The following EVC2 variants were observed in gnomAD, a reference collection of about 807,000 sequenced individuals.
EVC2 encodes limbin.
In EVC2, 148 loss-of-function variants were observed where a neutral mutation model predicts 149.3. The observed-to-expected ratio is 0.99, with a 90% CI of 0.87 to 1.14. The LOEUF (loss-of-function observed/expected upper bound fraction) is 1.14, where lower values mean the gene tolerates loss of function less well. Ranked by LOEUF, EVC2 falls within the 50% of genes most tolerant of loss-of-function variation. The pLI is 0.00. For synonymous variants in EVC2, 776 were observed against 649.9 expected (o/e 1.19, Z -2.95); for missense variants, 1,854 against 1,627.3 (o/e 1.14, Z -2.40).
At chr4:5,635,897 G>T (rs1338068239) in intron 10 of EVC2, among the ~76,000 whole-genome samples, 1 of 152,174 alleles carries the variant, frequency 6.6e-6, no homozygotes, top group Non-Finnish European at 1.5e-5. Flanking sequence ...AAGCTGGATT[G>T]CCAGTCACTT....
In EVC2 at chr4:5,596,346, G is replaced by A. The variant is rs1713419363; in HGVS notation, c.2830-11496C>T. ...AAAGCTCTCCTCAGCAAATATAAAAGATCAGACATTATAACAAACTGTCTC... is the reference window on the plus strand; with the variant it reads ...AAAGCTCTCCTCAGCAAATATAAAAAATCAGACATTATAACAAACTGTCTC... On this transcript the variant is annotated intron_variant, in intron 16 of 21. Transcript: ENST00000344408. Among the ~76,000 whole-genome samples, 3 of 152,158 alleles carry A rather than the reference G, an allele frequency of 2.0e-5. No homozygotes were observed. In the South Asian group the frequency reaches 6.2e-4, roughly 32 times the overall value.
intron 16 of EVC2, among the ~76,000 whole-genome samples, chr4:5,599,622 A>G (rs1160233109): frequency 6.6e-6 from 1 of 152,162 alleles, no homozygotes; most frequent in Non-Finnish European, 1.5e-5. Context: ...CCTAATGCGA[A>G]ATGACGAGTT....
intron 9 of EVC2, among the ~76,000 whole-genome samples, chr4:5,662,483 TATA>T (rs201106112): frequency 4.7e-4 from 49 of 105,176 alleles, no homozygotes; most frequent in African/African-American, 1.6e-3. Flanking sequence ...TAATATTAAA[TATA>T]ATATTAATAT....
chr4:5,698,455 T>C (rs1478905494), intron 1 of EVC2, among the ~76,000 whole-genome samples: 2 of 152,162 alleles, frequency 1.3e-5, no homozygotes, highest in Non-Finnish European at 2.9e-5. Context: ...TTCTGAAAAG[T>C]GACCTCAAAG....
intron 16 of EVC2, among the ~76,000 whole-genome samples, chr4:5,593,317 C>T (rs1162655239): frequency 6.6e-6 from 1 of 152,132 alleles, no homozygotes; most frequent in Non-Finnish European, 1.5e-5. Context: ...GCCCTTCTTT[C>T]AAGTGTGCGT....
In EVC2 at chr4:5,660,746, G is replaced by A. The variant is rs528421318; in HGVS notation, c.1145+2361C>T. Among the ~76,000 whole-genome samples, 5 of 152,208 alleles carry A rather than the reference G, an allele frequency of 3.3e-5. No individual in the cohort carries two copies. The South Asian group carries it at 6.2e-4, about 19-fold the overall frequency. On this transcript the variant is annotated intron_variant, in intron 9 of 21. Coordinates refer to ENST00000344408, the MANE Select transcript of EVC2 (RefSeq NM_147127.5). ...ACAGTATCAAAAGGCTCTAGGTTACGGGTTCCCCATTTGAGAGATGAGAAA... is the reference window on the plus strand; with the variant it reads ...ACAGTATCAAAAGGCTCTAGGTTACAGGTTCCCCATTTGAGAGATGAGAAA...
At chr4:5,579,755 C>G (rs1711594134) in intron 17 of EVC2, among the ~76,000 whole-genome samples, 1 of 152,134 alleles carries the variant, frequency 6.6e-6, no homozygotes, top group South Asian at 2.1e-4. Context: ...GGAGGACAAT[C>G]AATTGAACCC....
At chr4:5,700,777 C>T (rs1171820071) in intron 1 of EVC2, among the ~76,000 whole-genome samples, 1 of 152,212 alleles carries the variant, frequency 6.6e-6, no homozygotes, top group Non-Finnish European at 1.5e-5. Context: ...CAGCCTGCCC[C>T]TCCCTGTCAT....
chr4:5,654,677 C>T (rs577932947), intron 9 of EVC2, among the ~76,000 whole-genome samples: 2 of 152,034 alleles, frequency 1.3e-5, no homozygotes, highest in Non-Finnish European at 2.9e-5. Context: ...GGAACATAGG[C>T]TTGGCCTGGG....
At chr4:5,586,516 T>G (rs990966909) in intron 16 of EVC2, among the ~76,000 whole-genome samples, 1 of 152,180 alleles carries the variant, frequency 6.6e-6, no homozygotes, top group African/African-American at 2.4e-5. Flanking sequence ...ACATGCCTCC[T>G]TATACCCTCC....
chr4:5,582,699 G>A (rs971173738), intron 17 of EVC2, among the ~76,000 whole-genome samples: 2 of 152,146 alleles, frequency 1.3e-5, no homozygotes, highest in Admixed American at 6.5e-5. Context: ...ATTTGGGTGG[G>A]ACTACATCTC....
intron 10 of EVC2, among the ~76,000 whole-genome samples, chr4:5,635,678 T>C (rs1716847526): frequency 6.6e-6 from 1 of 152,178 alleles, no homozygotes; most frequent in Non-Finnish European, 1.5e-5. Context: ...TGTGAAAATG[T>C]TTTATAAAAA....
At chr4:5,700,178 G>T (rs189835542) in intron 1 of EVC2, among the ~76,000 whole-genome samples, 1 of 152,000 alleles carries the variant, frequency 6.6e-6, no homozygotes, top group African/African-American at 2.4e-5. Flanking sequence ...TAATAATAGG[G>T]GACACTATGT....
rs4353849 is a variant in EVC2 at position 5,636,925 on chromosome 4, G to T, written c.1470+3589C>A. ...TGGAAGGAAACTAGTTCTATTAAAT[G>T]CTGCAGCTCAGATACTATTTCTGGA... is the stretch of plus-strand genomic sequence containing the variant. On this transcript the variant is annotated intron_variant, in intron 10 of 21. Coordinates refer to ENST00000344408, the MANE Select transcript of EVC2 (RefSeq NM_147127.5). This position sits in a 1 kb window ranked among gnomAD's most constrained non-coding sequence, Gnocchi z 4.6. Among the ~76,000 whole-genome samples, 34,648 of 152,154 alleles carry T rather than the reference G, an allele frequency of 0.23. 10,000 individuals are homozygous for T. The highest frequency in any genetic ancestry group is 0.68 in the African/African-American group (28,176 of 41,466).
rs73794680 is a variant in EVC2 at position 5,625,295 on chromosome 4, T to C, written c.2046+454A>G. On this transcript the variant is annotated intron_variant, in intron 13 of 21. Transcript: ENST00000344408. The surrounding 1 kb of genome is among the most constrained non-coding windows in gnomAD (Gnocchi z 4.0). ...CCATGCGTGCCACTTACTAGATATT[T>C]GACCTTGACCATACACACACACACA... 6.8e-6 allele frequency among the ~76,000 whole-genome samples: 1 copy of C among 146,984 alleles called. No individual in the cohort carries two copies. The highest frequency in any genetic ancestry group is 2.6e-5 in the African/African-American group (1 of 39,202).
At chr4:5,629,144 CCA>C (rs1716346789) in intron 11 of EVC2, among the ~76,000 whole-genome samples, 1 of 152,158 alleles carries the variant, frequency 6.6e-6, no homozygotes, top group African/African-American at 2.4e-5. Flanking sequence ...GCTCCCACCA[CCA>C]CAGAGGAGAC....
chr4:5,692,169 C>G (rs189713453), intron 3 of EVC2, among the ~76,000 whole-genome samples: 5 of 152,254 alleles, frequency 3.3e-5, no homozygotes, highest in Non-Finnish European at 7.4e-5. Flanking sequence ...TATTCATAAT[C>G]GTATGTTTTG....
At chr4:5,697,808 C>A (rs1250405742) in intron 1 of EVC2, among the ~76,000 whole-genome samples, 161 bp from the exon 2 acceptor site, 1 of 151,166 alleles carries the variant, frequency 6.6e-6, no homozygotes, top group Non-Finnish European at 1.5e-5. Context: ...TGCAGTGGCG[C>A]GATCTCGACT....
chr4:5,535,158 C>T, the EVC2 span, among the ~76,000 whole-genome samples: 4 of 152,132 alleles, frequency 2.6e-5, no homozygotes, highest in Admixed American at 6.5e-5. This position sits in a 1 kb window ranked among gnomAD's most constrained non-coding sequence, Gnocchi z 4.7. Context: ...CAGTGAGGAC[C>T]GCCCATCGCC....
Sources: gnomAD v4.1 joint callset for allele counts (sites outside exome capture counted in the v4.1 genomes callset) on GRCh38, gnomAD v4.1.1 for gene constraint, Gnocchi (gnomAD v3.1) non-coding constraint, MANE v1.5 for transcripts, NCBI Gene and HGNC (gene_info 2026-07-23, HGNC 2026-07-21) for gene names.